MAP3K13: variants seen among roughly 807,000 people sequenced by gnomAD.
MAP3K13 encodes the protein leucine zipper-bearing kinase.
A neutral mutation model predicts 104.0 loss-of-function variants in MAP3K13; 52 were observed. The ratio of observed to expected loss-of-function variants is 0.50; its 90% CI spans 0.40 to 0.63. The LOEUF is 0.63. MAP3K13 is among the 20% of genes least tolerant of loss of function. The probability of loss-of-function intolerance (pLI) is 0.00; values close to 1 mark genes in which losing one functional copy is unlikely to be tolerated. For synonymous variants in MAP3K13, 394 were observed against 442.2 expected, an observed-to-expected ratio of 0.89 and a Z score of 1.37; for missense variants, 914 against 1,218.5, an observed-to-expected ratio of 0.75 and a Z score of 3.72.
At chr3:185,376,741 AG>A (rs1724448923) in intron 1 of MAP3K13, among the ~76,000 whole-genome samples, 1 of 152,024 alleles carries the variant, frequency 6.6e-6, no homozygotes, top group Non-Finnish European at 1.5e-5. Flanking sequence ...CAGGAAGGAA[AG>A]GAGTTGTTGT....
intron 2 of MAP3K13, among the ~76,000 whole-genome samples, chr3:185,314,627 A>G (rs1242247047): frequency 2.0e-5 from 3 of 147,442 alleles, no homozygotes; most frequent in Non-Finnish European, 1.5e-5. Flanking sequence ...AAAGAAAAGT[A>G]AAAAAAAAAG....
chr3:185,409,801 T>TA (rs1321632541), intron 1 of MAP3K13, among the ~76,000 whole-genome samples: 1 of 152,164 alleles, frequency 6.6e-6, no homozygotes, highest in Non-Finnish European at 1.5e-5. Flanking sequence ...TATTCAGCCA[T>TA]AAAAAAAGAA....
chr3:185,428,079 CA>C (rs112837150), intron 1 of MAP3K13, among the ~76,000 whole-genome samples: 10,732 of 96,868 alleles, frequency 0.11, 622 homozygotes, highest in East Asian at 0.29. Context: ...AACTCCGTCT[CA>C]AAAAAAAAAA....
At position 185,409,527 on chromosome 3, in the gene MAP3K13, C is replaced by T. The variant is rs2108784455; in HGVS notation, c.-85-18970C>T. Among the ~76,000 whole-genome samples, 3 of 152,226 alleles carry T rather than the reference C, an allele frequency of 2.0e-5. No homozygotes were observed. The South Asian group carries it at 6.2e-4, about 32-fold the overall frequency. On this transcript the variant is annotated intron_variant, in intron 1 of 13. Coordinates refer to ENST00000265026, the MANE Select transcript of MAP3K13 (RefSeq NM_004721.5). ...GCATAGAAAATGGAACTGTTATGCA[C>T]TGTTGGTAGGAATGTAAACTAGTAC...
chr3:185,457,674 A>AT (rs1336299731), intron 7 of MAP3K13, among the ~76,000 whole-genome samples: 1 of 152,134 alleles, frequency 6.6e-6, no homozygotes, highest in Non-Finnish European at 1.5e-5. Context: ...CCATAGCAGC[A>AT]TTTTTTCATA....
chr3:185,329,248 AAGTG>A, intron 2 of MAP3K13: 1 of 703,210 alleles, frequency 1.4e-6, no homozygotes. Flanking sequence ...TAGAAAATAA[AAGTG>A]AGTATGTACC....
At chr3:185,408,177 G>T (rs908501855) in intron 1 of MAP3K13, among the ~76,000 whole-genome samples, 5 of 152,126 alleles carry the variant, frequency 3.3e-5, no homozygotes, top group African/African-American at 1.2e-4. Flanking sequence ...AGTATAGAGT[G>T]AAATCTTCCA....
In MAP3K13 at chr3:185,486,233, A is replaced by G. The variant is rs1297811605; in HGVS notation, c.*3777A>G. The G allele has an allele frequency of 6.6e-6, 1 of 152,158 alleles. No individual in the cohort carries two copies. Among genetic ancestry groups the G allele is most frequent in the Non-Finnish European group, 1.5e-5 (1 of 68,020 alleles). The allele number at this position is 152,158 out of a possible 1,614,324, so 9.4% of individuals were successfully genotyped here. ...TGAATTCTCATCTTGATTATCTGTT[A>G]TGCTATTGTCATCATACACCTTATG... On this transcript the variant is annotated 3_prime_UTR_variant, in exon 14 of 14. Coordinates refer to ENST00000265026, the MANE Select transcript of MAP3K13 (RefSeq NM_004721.5).
chr3:185,341,582 G>A (rs947278726), intron 2 of MAP3K13, among the ~76,000 whole-genome samples: 1 of 152,240 alleles, frequency 6.6e-6, no homozygotes, highest in African/African-American at 2.4e-5. Flanking sequence ...GCCTGTGGTA[G>A]TGATTTTAAG....
chr3:185,396,306 GT>G (rs1560083881), intron 1 of MAP3K13, among the ~76,000 whole-genome samples: 1 of 152,158 alleles, frequency 6.6e-6, no homozygotes, highest in Non-Finnish European at 1.5e-5. Context: ...GGAGGCGGGG[GT>G]TGCAGTGAGC....
intron 1 of MAP3K13, among the ~76,000 whole-genome samples, chr3:185,372,367 T>C (rs555544848): frequency 1.3e-5 from 2 of 152,292 alleles, no homozygotes; most frequent in South Asian, 4.1e-4. Flanking sequence ...TCTGTTTGTC[T>C]AAGAAAAAAT....
intron 7 of MAP3K13, among the ~76,000 whole-genome samples, chr3:185,455,777 T>G (rs1560120792): frequency 1.3e-4 from 15 of 118,274 alleles, no homozygotes; most frequent in African/African-American, 3.7e-4. Flanking sequence ...ATATATGATA[T>G]ATATATGAGA....
intron 11 of MAP3K13, chr3:185,476,993 C>T: frequency 2.3e-6 from 1 of 438,974 alleles, no homozygotes; most frequent in Non-Finnish European, 4.4e-6. Flanking sequence ...TTACAAGAGA[C>T]TGACCCCAAA....
intron 2 of MAP3K13, among the ~76,000 whole-genome samples, chr3:185,290,188 A>G (rs950372035): frequency 6.6e-6 from 1 of 152,154 alleles, no homozygotes; most frequent in Admixed American, 6.6e-5. Context: ...CGTAAGTTCA[A>G]TATATATAAT....
rs191355567 is a variant in MAP3K13, at chr3:185,377,949, G to T, written c.-86+14581G>T. ...CATGGCTTGGGAGGAATCCCGGGCT[G>T]CGGGCATTCCTTGGCCCAGTGGCCA... On this transcript the variant is annotated intron_variant, in intron 1 of 13. Coordinates refer to ENST00000265026, the MANE Select transcript of MAP3K13 (RefSeq NM_004721.5). Among the ~76,000 whole-genome samples, 996 of 152,262 alleles carry T rather than the reference G, an allele frequency of 6.5e-3. 6 individuals are homozygous for T. The highest frequency in any genetic ancestry group is 0.023 in the African/African-American group (956 of 41,550).
intron 2 of MAP3K13, among the ~76,000 whole-genome samples, chr3:185,314,741 G>T (rs1577416329): frequency 1.3e-5 from 2 of 152,216 alleles, no homozygotes; most frequent in Non-Finnish European, 2.9e-5. Flanking sequence ...TGCCTCAAGT[G>T]ATCCTCCTGC....
chr3:185,291,710 A>G (rs1471545978), intron 2 of MAP3K13: 11 of 1,522,846 alleles, frequency 7.2e-6, no homozygotes, highest in Non-Finnish European at 8.7e-6. Flanking sequence ...CTTCTTCAGA[A>G]GCTTCAAGTC....
intron 2 of MAP3K13, among the ~76,000 whole-genome samples, chr3:185,349,341 C>T (rs1194658652): frequency 1.3e-5 from 2 of 152,126 alleles, no homozygotes; most frequent in Admixed American, 1.3e-4. Flanking sequence ...TTGTTTAGCT[C>T]TCACGTATAA....
chr3:185,287,257 G>A (rs1344332174), intron 2 of MAP3K13, among the ~76,000 whole-genome samples: 2 of 152,148 alleles, frequency 1.3e-5, no homozygotes, highest in African/African-American at 2.4e-5. Flanking sequence ...GAACTTCACA[G>A]TATTACTGAA....
Sources: allele counts gnomAD v4.1 joint callset (sites outside exome capture counted in the v4.1 genomes callset), GRCh38; gene constraint gnomAD v4.1.1; transcripts MANE v1.5; gene names NCBI Gene and HGNC (gene_info 2026-07-23, HGNC 2026-07-21).